The following PRDM6 variants were observed in gnomAD, a reference collection of about 807,000 sequenced individuals.
The protein encoded by PRDM6 is putative histone-lysine N-methyltransferase PRDM6.
Under a neutral mutation model 60.8 loss-of-function variants are expected in PRDM6, and 25 were observed. The ratio of observed to expected loss-of-function variants is 0.41; its 90% CI spans 0.30 to 0.57. The LOEUF is 0.57. PRDM6 is among the 20% of genes least tolerant of loss of function. The probability of loss-of-function intolerance (pLI) is 0.27; values close to 1 mark genes in which losing one functional copy is unlikely to be tolerated. For synonymous variants in PRDM6, 407 were observed against 357.4 expected (o/e 1.14, Z -1.57); for missense variants, 839 against 821.3 (o/e 1.02, Z -0.26).
intron 3 of PRDM6, among the ~76,000 whole-genome samples, chr5:123,100,355 G>A (rs1340459237): frequency 6.6e-6 from 1 of 152,230 alleles, no homozygotes; most frequent in Non-Finnish European, 1.5e-5. Context: ...TGAGCTGGGT[G>A]ACCTTTATGT....
At position 123,172,168 on chromosome 5, in the gene PRDM6, G is replaced by A. The variant is rs75799421; in HGVS notation, c.1496+1060G>A. Among the ~76,000 whole-genome samples the A allele has an allele frequency of 1.7e-3, 259 of 152,146 alleles. 5 individuals are homozygous for A. The East Asian group carries it at 0.039, about 23-fold the overall frequency. On this transcript the variant is annotated intron_variant, in intron 6 of 7. Coordinates refer to ENST00000407847, the MANE Select transcript of PRDM6 (RefSeq NM_001136239.4). ...CAGCTCTTCCCTCCCAGCTCTGGAGGGTACACAGTGTGCCTAGAAAACCCA... is the reference window on the plus strand; with the variant it reads ...CAGCTCTTCCCTCCCAGCTCTGGAGAGTACACAGTGTGCCTAGAAAACCCA...
chr5:123,152,693 A>G (rs1180832371), intron 3 of PRDM6, among the ~76,000 whole-genome samples: 1 of 152,210 alleles, frequency 6.6e-6, no homozygotes, highest in Non-Finnish European at 1.5e-5. Context: ...CAAGCCACTC[A>G]CAGACAGTTG....
At chr5:123,142,893 A>C (rs1317692812) in intron 3 of PRDM6, among the ~76,000 whole-genome samples, 10 of 149,142 alleles carry the variant, frequency 6.7e-5, no homozygotes, top group Admixed American at 1.3e-4. Context: ...AAAAAAAAAA[A>C]AAAAAAAAAC....
intron 3 of PRDM6, among the ~76,000 whole-genome samples, chr5:123,125,600 G>C (rs1001406529): frequency 6.6e-6 from 1 of 152,128 alleles, no homozygotes; most frequent in Non-Finnish European, 1.5e-5. Flanking sequence ...ATAGGTTCAA[G>C]GCAGAATGTA....
chr5:123,105,658 G>A (rs1386710501), intron 3 of PRDM6, among the ~76,000 whole-genome samples: 1 of 152,166 alleles, frequency 6.6e-6, no homozygotes, highest in Non-Finnish European at 1.5e-5. Context: ...AACCCTATAT[G>A]TAGAACAACT....
intron 3 of PRDM6, among the ~76,000 whole-genome samples, chr5:123,109,974 C>A (rs1489616107): frequency 6.6e-6 from 1 of 152,116 alleles, no homozygotes; most frequent in Non-Finnish European, 1.5e-5. Context: ...AGTATTGTGA[C>A]CTGTCCATAA....
chr5:123,101,789 T>C (rs1227621980), intron 3 of PRDM6, among the ~76,000 whole-genome samples: 2 of 152,218 alleles, frequency 1.3e-5, no homozygotes, highest in African/African-American at 4.8e-5. Context: ...ACTACACATA[T>C]AGACTATAAC....
At chr5:123,172,155 C>T (rs943524432) in intron 6 of PRDM6, among the ~76,000 whole-genome samples, 1 of 152,118 alleles carries the variant, frequency 6.6e-6, no homozygotes, top group African/African-American at 2.4e-5. Context: ...GCTCTTCCCT[C>T]CCAGCTCTGG....
intron 3 of PRDM6, among the ~76,000 whole-genome samples, chr5:123,100,254 G>A (rs1160208401): frequency 6.6e-6 from 1 of 152,208 alleles, no homozygotes; most frequent in African/African-American, 2.4e-5. Context: ...ATTCCAGCTG[G>A]AATGGATTTG....
At chr5:123,132,412 G>A (rs1489846780) in intron 3 of PRDM6, among the ~76,000 whole-genome samples, 1 of 152,106 alleles carries the variant, frequency 6.6e-6, no homozygotes, top group Non-Finnish European at 1.5e-5. Flanking sequence ...GGTTGTGTGT[G>A]TGTGTGTGTT....
rs233173 is a variant in PRDM6 at position 123,148,072 on chromosome 5, A to T, written c.901-7812A>T. Reference sequence around the variant, plus strand: ...CTCTCTGATGAAGGCTTTGCAAACAACACCACAGGTGTTTTACAGTTCATT... The same window carrying T: ...CTCTCTGATGAAGGCTTTGCAAACATCACCACAGGTGTTTTACAGTTCATT... On this transcript the variant is annotated intron_variant, in intron 3 of 7. Transcript: ENST00000407847. Among the ~76,000 whole-genome samples, 1,359 of 152,144 alleles carry T rather than the reference A, an allele frequency of 8.9e-3. 25 individuals are homozygous for T. Among genetic ancestry groups the T allele is most frequent in the African/African-American group, 0.031 (1,292 of 41,504 alleles).
intron 5 of PRDM6, among the ~76,000 whole-genome samples, chr5:123,160,386 A>T (rs1016044165): frequency 7.2e-5 from 11 of 152,218 alleles, no homozygotes; most frequent in Admixed American, 7.2e-4. Flanking sequence ...GGTTATTCTG[A>T]TATGCTTCAG....
Position 123,090,492 on chromosome 5 carries a change from G to T in PRDM6, c.478G>T (p.Gly160Cys). The change falls in exon 2 of 8, where the codon GGT becomes TGT. Residue 160 changes from glycine to cysteine, a missense_variant. Transcript: ENST00000407847. ...TGGTGGTGGCGGCGGCGGCGGGGAG[G>T]GTCGCGGCGCCCCGCGCTTCCGCTG... ...CGGGGGGGGE[G>C]RGAPRFRCSA... 1 of 1,488,944 alleles carries T rather than the reference G, an allele frequency of 6.7e-7. No individual in the cohort carries two copies. The highest frequency in any genetic ancestry group is 8.9e-7 in the Non-Finnish European group (1 of 1,128,098). 92.2% of individuals were successfully genotyped at this position (1,488,944 alleles called of 1,614,324 possible). A position where few individuals can be genotyped will look rare whatever the true frequency, so the allele number is the denominator to read the frequency against.
Position 123,125,151 on chromosome 5 carries a change from T to C in PRDM6, c.900+25190T>C, listed in dbSNP as rs59788802. Among the ~76,000 whole-genome samples, 1,300 of 138,922 alleles carry C rather than the reference T, an allele frequency of 9.4e-3. 43 individuals carry two copies. Among genetic ancestry groups the C allele is most frequent in the African/African-American group, 0.036 (1,214 of 33,316 alleles). 91.1% of individuals were successfully genotyped at this position (138,922 alleles called of 152,430 possible). A position where few individuals can be genotyped will look rare whatever the true frequency, so the allele number is the denominator to read the frequency against. ...TTGTATAATTACATACCGCACCCCC[T>C]CCCCCCCACCCGCCGGCCCCGCCAC... On this transcript the variant is annotated intron_variant, in intron 3 of 7. Transcript: ENST00000407847.
At chr5:123,137,422 G>T (rs1208958613) in intron 3 of PRDM6, among the ~76,000 whole-genome samples, 1 of 152,216 alleles carries the variant, frequency 6.6e-6, no homozygotes, top group Non-Finnish European at 1.5e-5. Context: ...AGCACACATT[G>T]CTAGGGCAGA....
At chr5:123,136,844 C>G (rs1428912364) in intron 3 of PRDM6, among the ~76,000 whole-genome samples, 1 of 101,174 alleles carries the variant, frequency 9.9e-6, no homozygotes, top group African/African-American at 3.8e-5. Flanking sequence ...TCCTCACTTC[C>G]CAGAGTCTGG....
intron 3 of PRDM6, among the ~76,000 whole-genome samples, chr5:123,101,961 C>T (rs1262004790): frequency 1.3e-5 from 2 of 152,056 alleles, no homozygotes; most frequent in Non-Finnish European, 2.9e-5. Flanking sequence ...ATCTATTGTT[C>T]AGGGCATGTG....
chr5:123,175,618 T>G (rs1016603260), intron 6 of PRDM6, among the ~76,000 whole-genome samples: 18 of 152,144 alleles, frequency 1.2e-4, no homozygotes, highest in Admixed American at 9.8e-4. Context: ...CTTTTCTCAC[T>G]CCACCCAGCC....
intron 3 of PRDM6, among the ~76,000 whole-genome samples, chr5:123,102,948 T>A (rs1171275095): frequency 6.6e-6 from 1 of 152,104 alleles, no homozygotes; most frequent in African/African-American, 2.4e-5. Context: ...TCACCTTAGT[T>A]ACTCCTTTTA....
Sources: gnomAD v4.1 joint callset for allele counts (sites outside exome capture counted in the v4.1 genomes callset) on GRCh38, gnomAD v4.1.1 for gene constraint, MANE v1.5 for transcripts, NCBI Gene and HGNC (gene_info 2026-07-23, HGNC 2026-07-21) for gene names.